CLMN: variants seen among roughly 807,000 people sequenced by gnomAD.
The protein encoded by CLMN is calmin (calponin-like, transmembrane).
A neutral mutation model predicts 92.7 loss-of-function variants in CLMN; 57 were observed. The ratio of observed to expected loss-of-function variants is 0.61; its 90% CI spans 0.50 to 0.77. The LOEUF is 0.77. CLMN is among the 30% of genes least tolerant of loss of function. CLMN has a pLI of 0.00. For missense variants in CLMN, 1,158 were observed against 1,237.5 expected (o/e 0.94, Z 0.96); for synonymous variants, 466 against 470.6 (o/e 0.99, Z 0.13).
Position 95,223,815 on chromosome 14 carries a change from A to G in CLMN, c.185T>C (p.Ile62Thr). The change falls in exon 3 of 13, where the codon ATA becomes ACA. Residue 62 changes from isoleucine to threonine, a missense_variant. Ile to Thr is a moderately conservative substitution (Grantham distance 89). Coordinates refer to ENST00000298912, the MANE Select transcript of CLMN (RefSeq NM_024734.4). ...PLEVKDLFVD[I>T]QDGKILMALL... ...AGCCATTAGGATTTTGCCATCTTGTATATCGACGAATAAATCTTTAACTTC... is the reference window on the plus strand; with the variant it reads ...AGCCATTAGGATTTTGCCATCTTGTGTATCGACGAATAAATCTTTAACTTC... 3.1e-6 allele frequency: 5 copies of G among 1,613,802 alleles called. No homozygotes were observed. Among genetic ancestry groups the G allele is most frequent in the Non-Finnish European group, 3.4e-6 (4 of 1,179,958 alleles).
intron 12 of CLMN, chr14:95,193,350 C>T (rs1896607636): frequency 6.5e-7 from 1 of 1,534,984 alleles, no homozygotes; most frequent in Admixed American, 2.0e-5. Context: ...TTTGCTTTCC[C>T]TCTTCATGTC....
Position 95,213,196 on chromosome 14 carries a change from T to A in CLMN, c.608+23A>T, listed in dbSNP as rs750515392. ...AAGCAGCTAGTTAAATGAAGTAGTG[T>A]GGGGAGAGGGGCTGCGGCTTACTTT... On this transcript the variant is annotated intron_variant, in intron 6 of 12. Transcript: ENST00000298912. 5.2e-5 allele frequency: 84 copies of A among 1,609,574 alleles called. 1 individual carries two copies. The South Asian group carries it at 8.9e-4, about 17-fold the overall frequency.
intron 1 of CLMN, among the ~76,000 whole-genome samples, chr14:95,303,527 C>T (rs894149163): frequency 6.6e-6 from 1 of 152,192 alleles, no homozygotes; most frequent in Admixed American, 6.5e-5. Context: ...CCCATATGGG[C>T]CCCCAACCCT....
intron 10 of CLMN, among the ~76,000 whole-genome samples, chr14:95,195,407 T>G (rs920289571): frequency 2.0e-5 from 3 of 152,124 alleles, no homozygotes; most frequent in Non-Finnish European, 4.4e-5. Context: ...GCCTTGGCCC[T>G]CCTCCCCCTG....
rs149448926 is a variant in CLMN, at chr14:95,268,415, CCAT to C, written c.83-38285_83-38283del. Among the ~76,000 whole-genome samples the C allele has an allele frequency of 7.3e-3, 1,108 of 150,908 alleles. 13 individuals carry two copies. The highest frequency in any genetic ancestry group is 0.019 in the South Asian group (90 of 4,750). On this transcript the variant is annotated intron_variant, in intron 1 of 12. Coordinates refer to ENST00000298912, the MANE Select transcript of CLMN (RefSeq NM_024734.4). ...AAGCCAATCTCAAATGATTACACCA[CCAT>C]GATTCTTACTGATACAACATTCTTG...
rs145988066 is a variant in CLMN, at chr14:95,255,021, C to T, written c.83-24888G>A. Among the ~76,000 whole-genome samples, 1,167 of 152,244 alleles carry T rather than the reference C, an allele frequency of 7.7e-3. 22 individuals carry two copies. The highest frequency in any genetic ancestry group is 0.027 in the African/African-American group (1,108 of 41,528). ...GTGATTAAGTTAAAACGAGGCCTTT[C>T]GCATTTGCTCTAATCCAACCTGACA... On this transcript the variant is annotated intron_variant, in intron 1 of 12. Coordinates refer to ENST00000298912, the MANE Select transcript of CLMN (RefSeq NM_024734.4).
rs761562768 is a variant in CLMN at position 95,259,927 on chromosome 14, G to A, written c.83-29794C>T. On this transcript the variant is annotated intron_variant, in intron 1 of 12. Coordinates refer to ENST00000298912, the MANE Select transcript of CLMN (RefSeq NM_024734.4). This position sits in a 1 kb window ranked among gnomAD's most constrained non-coding sequence, Gnocchi z 4.3. ...CCTGGGGCTCCAGGCCTTTGCACAC[G>A]CTGTTCCTGCTGTCTGGCACTCTCT... Among the ~76,000 whole-genome samples, 7 of 152,070 alleles carry A rather than the reference G, an allele frequency of 4.6e-5. No homozygotes were observed. Among genetic ancestry groups the A allele is most frequent in the South Asian group, 2.1e-4 (1 of 4,826 alleles).
Position 95,210,808 on chromosome 14 carries a change from G to A in CLMN, c.680C>T (p.Ala227Val), listed in dbSNP as rs1374879706. Residue 227 changes from alanine (A) to valine (V), a missense_variant, in exon 7 of 13, where the codon GCC becomes GTC. Physicochemically the swap from Ala to Val is moderately conservative, Grantham distance 64. Transcript: ENST00000298912. The part of the protein sequence containing the change: ...SGLAFLAVIK[A>V]IDPSLVDMKQ... ...CATGTCCACCAGGCTGGGGTCAATG[G>A]CCTTGATCACCGCCAGGAAAGCCAG... 7 of 1,588,552 alleles carry A rather than the reference G, an allele frequency of 4.4e-6. No homozygotes were observed. Among genetic ancestry groups the A allele is most frequent in the Non-Finnish European group, 5.1e-6 (6 of 1,171,584 alleles).
intron 2 of CLMN, among the ~76,000 whole-genome samples, chr14:95,225,154 C>CAAAA (rs200153974): frequency 1.4e-5 from 2 of 141,936 alleles, no homozygotes; most frequent in African/African-American, 2.6e-5. Context: ...AAAGTTGTAC[C>CAAAA]AAAAAAAAAA....
Position 95,182,134 on chromosome 14 carries a change from G to A in CLMN, c.*9430C>T, listed in dbSNP as rs906634784. ...ATTTACAGTAATCAATAAATAAGAC[G>A]GCACATTCATATATTGTTTATAAAG... On this transcript the variant is annotated 3_prime_UTR_variant, in exon 13 of 13. Coordinates refer to ENST00000298912, the MANE Select transcript of CLMN (RefSeq NM_024734.4). The A allele has an allele frequency of 6.6e-6, 1 of 151,958 alleles. No homozygotes were observed. The highest frequency in any genetic ancestry group is 1.5e-5 in the Non-Finnish European group (1 of 68,000). The allele number at this position is 151,958 out of a possible 1,614,324, so 9.4% of individuals were successfully genotyped here. A position where few individuals can be genotyped will look rare whatever the true frequency, so the allele number is the denominator to read the frequency against.
At chr14:95,215,514 G>T in intron 5 of CLMN, 127 bp downstream of exon 5, 3 of 744,946 alleles carry the variant, frequency 4.0e-6, no homozygotes, top group Non-Finnish European at 6.8e-6. Flanking sequence ...TTTTCAGTGA[G>T]TAGAAAAGAT....
At chr14:95,220,317 T>C (rs1427434864) in intron 4 of CLMN, among the ~76,000 whole-genome samples, 1 of 151,804 alleles carries the variant, frequency 6.6e-6, no homozygotes, top group Admixed American at 6.6e-5. Context: ...GCTAGGATTA[T>C]AGCTCCCCAC....
chr14:95,263,050 G>A (rs140361252), intron 1 of CLMN, among the ~76,000 whole-genome samples: 118 of 152,308 alleles, frequency 7.7e-4, no homozygotes, highest in African/African-American at 2.6e-3. Flanking sequence ...ACTGCCCAGC[G>A]CATATGTGGC....
chr14:95,266,458 T>C (rs1418161388), intron 1 of CLMN, among the ~76,000 whole-genome samples: 1 of 152,036 alleles, frequency 6.6e-6, no homozygotes, highest in Non-Finnish European at 1.5e-5. Flanking sequence ...ACAATAGCTA[T>C]AAAAATATAA....
At chr14:95,272,734 TTC>T (rs1899762376) in intron 1 of CLMN, among the ~76,000 whole-genome samples, 4 of 152,030 alleles carry the variant, frequency 2.6e-5, no homozygotes, top group African/African-American at 9.7e-5. Context: ...CTGCACGGAG[TTC>T]ATGGTGTAGT....
At chr14:95,251,592 T>C (rs886362817) in intron 1 of CLMN, among the ~76,000 whole-genome samples, 1 of 152,206 alleles carries the variant, frequency 6.6e-6, no homozygotes, top group African/African-American at 2.4e-5. Flanking sequence ...ATAGGTATTA[T>C]TATCTCTGTT....
chr14:95,235,339 G>A (rs1169844732), intron 1 of CLMN, among the ~76,000 whole-genome samples: 1 of 152,204 alleles, frequency 6.6e-6, no homozygotes, highest in African/African-American at 2.4e-5. Flanking sequence ...CTCTCCAGTT[G>A]ATGAGGATGC....
intron 1 of CLMN, among the ~76,000 whole-genome samples, chr14:95,319,421 C>T (rs1225439797): frequency 2.0e-5 from 3 of 152,260 alleles, no homozygotes; most frequent in East Asian, 1.9e-4. Flanking sequence ...AAACTCGCAG[C>T]GGTGACTGGA....
intron 1 of CLMN, among the ~76,000 whole-genome samples, chr14:95,288,057 T>C (rs1386498142): frequency 6.6e-6 from 1 of 152,232 alleles, no homozygotes; most frequent in African/African-American, 2.4e-5. Context: ...AACAGTCAAG[T>C]AACCTGTCTA....
Sources: allele counts gnomAD v4.1 joint callset (sites outside exome capture counted in the v4.1 genomes callset), GRCh38; gene constraint gnomAD v4.1.1; non-coding constraint Gnocchi (gnomAD v3.1); transcripts MANE v1.5; gene names NCBI Gene and HGNC (gene_info 2026-07-23, HGNC 2026-07-21).